DTL: variants seen among roughly 807,000 people sequenced by gnomAD.
The protein encoded by DTL is denticleless E3 ubiquitin protein ligase adapter, also known as denticleless protein homolog.
In DTL, 46 loss-of-function variants were observed where a neutral mutation model predicts 87.0. The ratio of observed to expected loss-of-function variants is 0.53; its 90% confidence interval spans 0.42 to 0.68. The LOEUF is 0.68. DTL is among the 30% of genes least tolerant of loss of function. The pLI is 0.00. For missense variants in DTL, 737 were observed against 869.4 expected (o/e 0.85, Z 1.91); for synonymous variants, 308 against 311.2 (o/e 0.99, Z 0.11).
intron 5 of DTL, among the ~76,000 whole-genome samples, chr1:212,054,813 A>G (rs1407106145): frequency 2.0e-5 from 3 of 150,130 alleles, no homozygotes; most frequent in African/African-American, 7.3e-5. Context: ...AAAAAAAAAA[A>G]GGAGGAAAGT....
chr1:212,062,858 T>G, intron 5 of DTL, 26 bp from the exon 6 acceptor site: 1 of 1,601,780 alleles, frequency 6.2e-7, no homozygotes, highest in Admixed American at 1.7e-5. Flanking sequence ...TGTTAACCTC[T>G]TAATAATCTG....
At chr1:212,077,817 A>T (rs11119844) in intron 11 of DTL, 12,998 of 178,946 alleles carry the variant, frequency 0.073, 592 homozygotes, top group Admixed American at 0.14. Context: ...AAGGATGGAT[A>T]ACATCCTTCC....
intron 5 of DTL, among the ~76,000 whole-genome samples, chr1:212,053,440 A>G (rs1045286621): frequency 2.0e-5 from 3 of 151,614 alleles, no homozygotes; most frequent in African/African-American, 7.3e-5. Context: ...GGATCTGTCA[A>G]CCCCAGCCTC....
intron 13 of DTL, among the ~76,000 whole-genome samples, chr1:212,096,931 C>T (rs1403699597): frequency 6.6e-6 from 1 of 152,120 alleles, no homozygotes; most frequent in Non-Finnish European, 1.5e-5. Context: ...TCTATGTTGA[C>T]TTACTGTATT....
At chr1:212,067,658 CTG>C (rs1310394702) in intron 8 of DTL, among the ~76,000 whole-genome samples, 12 of 152,144 alleles carry the variant, frequency 7.9e-5, no homozygotes, top group Non-Finnish European at 1.8e-4. Context: ...TTGTGAATGA[CTG>C]TGAAAGCTTG....
intron 2 of DTL, among the ~76,000 whole-genome samples, chr1:212,043,802 C>T (rs1667727584): frequency 6.7e-6 from 1 of 148,746 alleles, no homozygotes; most frequent in Non-Finnish European, 1.5e-5. Flanking sequence ...TGCATTCTAG[C>T]CTGGGTGACA....
At chr1:212,085,476 C>T (rs1488871727) in intron 13 of DTL, among the ~76,000 whole-genome samples, 1 of 152,028 alleles carries the variant, frequency 6.6e-6, no homozygotes, top group African/African-American at 2.4e-5. Context: ...GATCTTCTGC[C>T]CATATTCTAA....
chr1:212,044,602 GAA>G (rs373465088), intron 2 of DTL, 56 bp from the exon 3 acceptor site: 3,857 of 873,854 alleles, frequency 4.4e-3, no homozygotes, highest in South Asian at 5.8e-3. Context: ...GACTCCGTCT[GAA>G]AAAAAAAAAA....
chr1:212,074,771 C>G (rs1256595193), intron 11 of DTL, among the ~76,000 whole-genome samples: 1 of 151,968 alleles, frequency 6.6e-6, no homozygotes, highest in Non-Finnish European at 1.5e-5. Flanking sequence ...AGAATTTTTT[C>G]TATGCTAAAA....
intron 13 of DTL, among the ~76,000 whole-genome samples, chr1:212,086,048 A>G (rs1187197991): frequency 6.6e-6 from 1 of 152,100 alleles, no homozygotes; most frequent in Non-Finnish European, 1.5e-5. Flanking sequence ...TAGGTTTTGA[A>G]ATCCTACTTC....
chr1:212,055,361 C>G (rs182084736), intron 5 of DTL, among the ~76,000 whole-genome samples: 1 of 152,122 alleles, frequency 6.6e-6, no homozygotes, highest in African/African-American at 2.4e-5. Flanking sequence ...CTGGAGACTT[C>G]ATGAAGGCAT....
intron 5 of DTL, among the ~76,000 whole-genome samples, chr1:212,050,384 A>G (rs1667931275): frequency 6.6e-6 from 1 of 152,214 alleles, no homozygotes; most frequent in African/African-American, 2.4e-5. Flanking sequence ...AACTAAAAGC[A>G]AAGAAAATGG....
intron 5 of DTL, among the ~76,000 whole-genome samples, chr1:212,061,865 AG>A (rs1358809515): frequency 2.0e-5 from 3 of 152,160 alleles, no homozygotes; most frequent in Non-Finnish European, 4.4e-5. Context: ...AGTGGGTGTG[AG>A]GGGGGAATGA....
Position 212,104,077 on chromosome 1 carries a change from C to T in DTL, c.*1137C>T, listed in dbSNP as rs1461736257. Reference sequence around the variant, plus strand: ...AATGTGCAAAATATCTTAAACATCCCTCCCCTTATTCAACAATTATGTATC... The same window carrying T: ...AATGTGCAAAATATCTTAAACATCCTTCCCCTTATTCAACAATTATGTATC... On this transcript the variant is annotated 3_prime_UTR_variant, in exon 15 of 15. Coordinates refer to ENST00000366991, the MANE Select transcript of DTL (RefSeq NM_016448.4). 2 of 152,108 alleles carry T rather than the reference C, an allele frequency of 1.3e-5. No homozygotes were observed. Among genetic ancestry groups the T allele is most frequent in the African/African-American group, 2.4e-5 (1 of 41,422 alleles). The allele number at this position is 152,108 out of a possible 1,614,324, so 9.4% of individuals were successfully genotyped here. A position where few individuals can be genotyped will look rare whatever the true frequency, so the allele number is the denominator to read the frequency against.
rs556595252 is a variant in DTL, at chr1:212,087,816, G to A, written c.1261+7066G>A. Among the ~76,000 whole-genome samples the A allele has an allele frequency of 4.8e-4, 73 of 152,128 alleles. 1 individual carries two copies. Among genetic ancestry groups the A allele is most frequent in the Admixed American group, 5.9e-4 (9 of 15,278 alleles). On this transcript the variant is annotated intron_variant, in intron 13 of 14. Transcript: ENST00000366991. Reference sequence around the variant, plus strand: ...GCTTTCCCAAGCTTCTAATTGCCACGCCAACCTTTCATTGCTGTCCTGGGC... The same window carrying A: ...GCTTTCCCAAGCTTCTAATTGCCACACCAACCTTTCATTGCTGTCCTGGGC...
chr1:212,045,975 C>A (rs1283870864), intron 3 of DTL, among the ~76,000 whole-genome samples: 2 of 151,684 alleles, frequency 1.3e-5, no homozygotes, highest in Non-Finnish European at 2.9e-5. Flanking sequence ...GATGGGGTTT[C>A]ACCACATTAG....
At chr1:212,073,323 T>G (rs1654731452) in intron 11 of DTL, among the ~76,000 whole-genome samples, 1 of 152,216 alleles carries the variant, frequency 6.6e-6, no homozygotes, top group South Asian at 2.1e-4. Flanking sequence ...CCCTGTAACT[T>G]CATAAATGTC....
chr1:212,044,248 G>A (rs17018399), intron 2 of DTL, among the ~76,000 whole-genome samples: 4,001 of 152,162 alleles, frequency 0.026, 60 homozygotes, highest in African/African-American at 0.047. Context: ...TACTACCCTC[G>A]ATTTAGCCCT....
intron 13 of DTL, among the ~76,000 whole-genome samples, chr1:212,088,825 G>A (rs144333620): frequency 3.9e-5 from 6 of 152,314 alleles, no homozygotes; most frequent in Non-Finnish European, 8.8e-5. Flanking sequence ...GGTGGCTCAC[G>A]CCTGTAATCC....
Sources: allele counts gnomAD v4.1 joint callset (sites outside exome capture counted in the v4.1 genomes callset), GRCh38; gene constraint gnomAD v4.1.1; transcripts MANE v1.5; gene names NCBI Gene and HGNC (gene_info 2026-07-23, HGNC 2026-07-21).